CLIP2: variants seen among roughly 807,000 people sequenced by gnomAD.
CLIP2 encodes the protein CAP-Gly domain-containing linker protein 2.
A neutral mutation model predicts 111.7 loss-of-function variants in CLIP2; 41 were observed. That is an observed-to-expected ratio of 0.37 (90% CI 0.29 to 0.48). The LOEUF (loss-of-function observed/expected upper bound fraction) is 0.48. Ranked by LOEUF, CLIP2 falls within the 20% of genes least tolerant of loss-of-function variation. The probability of loss-of-function intolerance (pLI) is 0.99; values close to 1 mark genes in which losing one functional copy is unlikely to be tolerated. For missense variants in CLIP2, 1,160 were observed against 1,422.1 expected, an observed-to-expected ratio of 0.82 and a Z score of 2.96; for synonymous variants, 660 against 644.2, an observed-to-expected ratio of 1.02 and a Z score of -0.37.
In CLIP2 at chr7:74,376,713, G is replaced by C; in HGVS notation, c.2312G>C (p.Arg771Pro). The part of the protein sequence containing the change: ...KKMLDYERLQ[R>P]AEAQGKQEVE... ...ATGTTGGACTACGAGCGGCTGCAGC[G>C]GGCAGAAGCCCAGGGCAAACAGGAG... The change falls in exon 10 of 17, where the codon CGG becomes CCG. Residue 771 changes from arginine (R) to proline (P), a missense_variant. Transcript: ENST00000223398. The surrounding 1 kb of genome is among the most constrained non-coding windows in gnomAD (Gnocchi z 7.1). The C allele has an allele frequency of 6.2e-7, 1 of 1,613,112 alleles. No homozygotes were observed. Among genetic ancestry groups the C allele is most frequent in the Non-Finnish European group, 8.5e-7 (1 of 1,179,790 alleles).
chr7:74,342,998 G>T (rs1789701166), intron 3 of CLIP2, among the ~76,000 whole-genome samples: 1 of 149,892 alleles, frequency 6.7e-6, no homozygotes, highest in Admixed American at 6.7e-5. Context: ...TGGTGCCACT[G>T]CACTCCAGCC....
In CLIP2 at chr7:74,375,913, C is replaced by T. The variant is rs1441566822; in HGVS notation, c.1512C>T (p.Arg504=). Residue 504 remains arginine (R), a synonymous_variant, in exon 10 of 17, where the codon CGC becomes CGT. Transcript: ENST00000223398. Reference sequence around the variant, plus strand: ...TGACCACAGTGGCCGAGAAGTCGCGCGTGCTGCAGCTGGAGGAGGAGCTCA... The same window carrying T: ...TGACCACAGTGGCCGAGAAGTCGCGTGTGCTGCAGCTGGAGGAGGAGCTCA... ...NRLTTVAEKS[R]VLQLEEELTL... 1.0e-5 allele frequency: 16 copies of T among 1,580,544 alleles called. No individual in the cohort carries two copies. Among genetic ancestry groups the T allele is most frequent in the Admixed American group, 1.8e-5 (1 of 54,684 alleles).
intron 8 of CLIP2, chr7:74,364,803 C>T (rs1471290817): frequency 4.4e-5 from 20 of 452,192 alleles, no homozygotes; most frequent in Non-Finnish European, 8.0e-5. Context: ...CAGAGGATCA[C>T]TTGAGCCCAG....
chr7:74,376,491 C>T lies in CLIP2; in HGVS notation c.2090C>T (p.Ala697Val), dbSNP rs782214384. Reference protein sequence around the residue: ...EKLQEAQEELAGLQRHWRAQL... With the variant: ...EKLQEAQEELVGLQRHWRAQL... ...CTGCAGGAGGCCCAGGAGGAGCTGG[C>T]TGGGCTGCAGCGGCACTGGCGGGCC... The change falls in exon 10 of 17, where the codon GCT (alanine) becomes GTT (valine). Residue 697 changes from alanine (A) to valine (V), a missense_variant. Physicochemically the swap from Ala to Val is moderately conservative, Grantham distance 64 (BLOSUM62 0). Coordinates refer to ENST00000223398, the MANE Select transcript of CLIP2 (RefSeq NM_003388.5). The surrounding 1 kb of genome is among the most constrained non-coding windows in gnomAD (Gnocchi z 7.1). 6.2e-7 allele frequency: 1 copy of T among 1,612,188 alleles called. No homozygotes were observed. Among genetic ancestry groups the T allele is most frequent in the Non-Finnish European group, 8.5e-7 (1 of 1,179,504 alleles).
At chr7:74,311,917 T>TAAAAAA (rs1306557485) in intron 1 of CLIP2, among the ~76,000 whole-genome samples, 1 of 49,724 alleles carries the variant, frequency 2.0e-5, no homozygotes, top group Admixed American at 2.1e-4. Flanking sequence ...ATCTCAAGAA[T>TAAAAAA]AAAAAAAAAA....
intron 3 of CLIP2, among the ~76,000 whole-genome samples, chr7:74,351,338 A>G (rs1306031150): frequency 2.0e-5 from 3 of 148,620 alleles, no homozygotes; most frequent in Non-Finnish European, 4.4e-5. Context: ...CTGTAGTCCC[A>G]GCTACTTGGG....
intron 1 of CLIP2, among the ~76,000 whole-genome samples, chr7:74,302,599 C>G (rs551183831): frequency 7.6e-4 from 116 of 152,312 alleles, no homozygotes; most frequent in East Asian, 1.7e-3. Flanking sequence ...TTGCTTGTCT[C>G]CCAGCTGCAG....
In CLIP2 at chr7:74,397,061, G is replaced by A. The variant is rs371174374; in HGVS notation, c.2721-13G>A. The A allele has an allele frequency of 2.7e-5, 44 of 1,612,394 alleles. No individual in the cohort carries two copies. The African/African-American group carries it at 2.9e-4, about 11-fold the overall frequency. Reference sequence around the variant, plus strand: ...GGCTGAGTGCAGTGGTTCTGTGCCCGCCTCACCCCCAGGAGCCTGAACGAA... The same window carrying A: ...GGCTGAGTGCAGTGGTTCTGTGCCCACCTCACCCCCAGGAGCCTGAACGAA... On this transcript the variant is annotated splice_polypyrimidine_tract_variant and intron_variant, in intron 13 of 16. Transcript: ENST00000223398.
chr7:74,375,891 C>T lies in CLIP2; in HGVS notation c.1490C>T (p.Thr497Ile), dbSNP rs1380382149. 7 of 1,546,518 alleles carry T rather than the reference C, an allele frequency of 4.5e-6. No individual in the cohort carries two copies. The East Asian group carries it at 7.1e-5, about 16-fold the overall frequency. Reference protein sequence around the residue: ...LLRELADNRLTTVAEKSRVLQ... With the variant: ...LLRELADNRLITVAEKSRVLQ... ...TGTCTCCCTCTCTCCCCACAGCTGA[C>T]CACAGTGGCCGAGAAGTCGCGCGTG... The change falls in exon 10 of 17, where the codon ACC (threonine) becomes ATC (isoleucine). Residue 497 changes from threonine (T) to isoleucine (I), a missense_variant. Physicochemically the swap from Thr to Ile is moderately conservative, Grantham distance 89 (BLOSUM62 -1). Around this residue, in one of 5 missense-constraint regions of CLIP2, gnomAD observed 676 missense variants for 777.8 expected, o/e 0.87. Coordinates refer to ENST00000223398, the MANE Select transcript of CLIP2 (RefSeq NM_003388.5).
intron 11 of CLIP2, among the ~76,000 whole-genome samples, chr7:74,385,871 T>C (rs1250331048): frequency 6.6e-5 from 10 of 151,302 alleles, no homozygotes; most frequent in Non-Finnish European, 2.9e-5. Flanking sequence ...ACCTCCCAAG[T>C]AGCTGGAATT....
intron 1 of CLIP2, among the ~76,000 whole-genome samples, chr7:74,310,753 C>A (rs1353618873): frequency 1.3e-5 from 2 of 151,316 alleles, no homozygotes; most frequent in Admixed American, 1.3e-4. Context: ...ACTTTGTCAT[C>A]CAGGCTAGAG....
intron 10 of CLIP2, among the ~76,000 whole-genome samples, chr7:74,379,663 C>A (rs1312051739): frequency 1.3e-5 from 2 of 151,896 alleles, no homozygotes; most frequent in Non-Finnish European, 2.9e-5. Flanking sequence ...ACTCGGGAGG[C>A]TGAGGCAGGA....
At chr7:74,364,951 G>C (rs1043491674) in intron 8 of CLIP2, 6 of 444,280 alleles carry the variant, frequency 1.4e-5, no homozygotes, top group Admixed American at 2.4e-5. Context: ...TTGAATCTGG[G>C]AGATGGAGGC....
intron 14 of CLIP2, 58 bp downstream of exon 14, chr7:74,397,291 A>G: frequency 6.4e-7 from 1 of 1,560,030 alleles, no homozygotes; most frequent in South Asian, 1.2e-5. Context: ...GGGCTGGGCT[A>G]GCCTTGCTGT....
chr7:74,314,706 C>T lies in CLIP2; in HGVS notation c.-67-2774C>T, dbSNP rs372875049. 5.3e-5 allele frequency among the ~76,000 whole-genome samples: 8 copies of T among 152,302 alleles called. No homozygotes were observed. The South Asian group carries it at 1.4e-3, about 28-fold the overall frequency. ...GGACGGTGCTCCCCAGGGCAGAGGC[C>T]GAGTCCTGCCTGCAGCTCTGGGGCA... On this transcript the variant is annotated intron_variant, in intron 1 of 16. Transcript: ENST00000223398.
At chr7:74,387,911 G>A (rs552050764) in intron 12 of CLIP2, among the ~76,000 whole-genome samples, 9 of 152,292 alleles carry the variant, frequency 5.9e-5, no homozygotes, top group East Asian at 1.9e-4. Flanking sequence ...AGTGGAGGCC[G>A]TGAGCGATGC....
At chr7:74,339,054 T>C (rs529644742) in intron 3 of CLIP2, 50 bp downstream of exon 3, 1 of 1,528,580 alleles carries the variant, frequency 6.5e-7, no homozygotes, top group Non-Finnish European at 8.8e-7. Context: ...TTCCCTCCCC[T>C]GCTCCGCCCC....
At position 74,331,200 on chromosome 7, in the gene CLIP2, C is replaced by A. The variant is rs1321477668; in HGVS notation, c.122-7248C>A. On this transcript the variant is annotated intron_variant, in intron 2 of 16. Coordinates refer to ENST00000223398, the MANE Select transcript of CLIP2 (RefSeq NM_003388.5). The stretch of plus-strand genomic sequence containing the variant: ...CAGCCTGAGCGACAGAGTGAGACTC[C>A]ATCTCAAAAAAAAAAAAAAAAAAAA... Among the ~76,000 whole-genome samples the A allele has an allele frequency of 5.2e-5, 4 of 76,682 alleles. No homozygotes were observed. The East Asian group carries it at 1.1e-3, about 21-fold the overall frequency. The allele number at this position is 76,682 out of a possible 152,430, so 50.3% of individuals were successfully genotyped here.
At chr7:74,319,055 C>T (rs1238627562) in intron 2 of CLIP2, among the ~76,000 whole-genome samples, 2 of 152,136 alleles carry the variant, frequency 1.3e-5, no homozygotes, top group African/African-American at 4.8e-5. Context: ...CCCAGTGCAG[C>T]CTTGTGAAGG....
Sources: gnomAD v4.1 joint callset for allele counts (sites outside exome capture counted in the v4.1 genomes callset) on GRCh38, gnomAD v4.1.1 for gene constraint, gnomAD v4.1.1 regional missense constraint, Gnocchi (gnomAD v3.1) non-coding constraint, MANE v1.5 for transcripts, NCBI Gene and HGNC (gene_info 2026-07-23, HGNC 2026-07-21) for gene names.